CDH19: variants seen among roughly 807,000 people sequenced by gnomAD.
The protein encoded by CDH19 is cadherin 19.
A neutral mutation model predicts 64.2 loss-of-function variants in CDH19; 67 were observed. That is an observed-to-expected ratio of 1.04 (90% CI 0.86 to 1.28). The LOEUF (loss-of-function observed/expected upper bound fraction) is 1.28, where lower values mean the gene tolerates loss of function less well. Among genes scored for constraint, CDH19 ranks in the 50% most tolerant of loss-of-function variants. CDH19 has a pLI of 0.00. For missense variants in CDH19, 1,030 were observed against 929.0 expected (o/e 1.11, Z -1.41); for synonymous variants, 346 against 319.3 (o/e 1.08, Z -0.89).
At chr18:66,509,766 C>T (rs1047566300) in intron 10 of CDH19, among the ~76,000 whole-genome samples, 17 of 151,708 alleles carry the variant, frequency 1.1e-4, no homozygotes, top group African/African-American at 3.9e-4. Context: ...AGGGAATATA[C>T]AAGACTTTCA....
chr18:66,583,537 T>G (rs1440690519), intron 1 of CDH19, among the ~76,000 whole-genome samples: 2 of 152,014 alleles, frequency 1.3e-5, no homozygotes, highest in Non-Finnish European at 2.9e-5. Context: ...GTTCCCTTAT[T>G]TATGTTAATG....
At chr18:66,538,709 A>C (rs1408792157) in intron 7 of CDH19, among the ~76,000 whole-genome samples, 6 of 152,152 alleles carry the variant, frequency 3.9e-5, no homozygotes, top group Non-Finnish European at 8.8e-5. Flanking sequence ...TTAAAATCAA[A>C]GTATCAACAG....
intron 5 of CDH19, among the ~76,000 whole-genome samples, chr18:66,546,828 G>A (rs1261906504): frequency 6.6e-6 from 1 of 151,994 alleles, no homozygotes; most frequent in African/African-American, 2.4e-5. Context: ...CGAGCCTGGA[G>A]TGTTCTGGGA....
chr18:66,598,591 C>A (rs1988962656), intron 1 of CDH19, among the ~76,000 whole-genome samples: 1 of 152,046 alleles, frequency 6.6e-6, no homozygotes, highest in Non-Finnish European at 1.5e-5. Flanking sequence ...AACAGAAAAT[C>A]AAATACTGCA....
At chr18:66,588,625 T>TATATATATATATA (rs1491351987) in intron 1 of CDH19, among the ~76,000 whole-genome samples, 1 of 136,322 alleles carries the variant, frequency 7.3e-6, no homozygotes, top group Non-Finnish European at 1.7e-5. Flanking sequence ...TATATCTATA[T>TATATATATATATA]CTATATATAT....
chr18:66,601,105 G>A (rs185141075), intron 1 of CDH19, among the ~76,000 whole-genome samples: 142 of 151,714 alleles, frequency 9.4e-4, no homozygotes, highest in Non-Finnish European at 1.6e-3. Context: ...TTTTCTCTTT[G>A]CCTTTATTAT....
At chr18:66,509,905 T>C (rs1020466814) in intron 10 of CDH19, among the ~76,000 whole-genome samples, 1 of 151,896 alleles carries the variant, frequency 6.6e-6, no homozygotes. Flanking sequence ...ATTTTGTATT[T>C]AAAATTCTGA....
intron 1 of CDH19, among the ~76,000 whole-genome samples, chr18:66,584,668 A>C (rs1988523840): frequency 6.6e-6 from 1 of 152,122 alleles, no homozygotes; most frequent in Non-Finnish European, 1.5e-5. Flanking sequence ...CTTTAGTGAC[A>C]GACTGGATAA....
intron 1 of CDH19, among the ~76,000 whole-genome samples, chr18:66,590,211 A>G (rs1988703272): frequency 6.6e-6 from 1 of 151,910 alleles, no homozygotes; most frequent in African/African-American, 2.4e-5. Flanking sequence ...AGATGACTTT[A>G]CGGTAAATAT....
At chr18:66,532,486 T>TCACACACACACACACACACA (rs1986486798) in intron 8 of CDH19, 1 of 107,416 alleles carries the variant, frequency 9.3e-6, no homozygotes, top group African/African-American at 8.4e-5. Context: ...CTCAGAGCAT[T>TCACACACACACACACACACA]CATACACACA....
intron 1 of CDH19, among the ~76,000 whole-genome samples, chr18:66,601,660 A>G (rs1989040022): frequency 6.6e-6 from 1 of 151,974 alleles, no homozygotes; most frequent in Non-Finnish European, 1.5e-5. Flanking sequence ...TATGTATTCT[A>G]GAGTATGTTT....
Position 66,555,953 on chromosome 18 carries a change from A to G in CDH19, c.491-1429T>C, listed in dbSNP as rs1263718226. On this transcript the variant is annotated intron_variant, in intron 3 of 11. Transcript: ENST00000262150. The stretch of plus-strand genomic sequence containing the variant: ...CAGATACAATCATCAAAATCATACC[A>G]TTTTCAGAGTTGACTGAAATAAATT... Among the ~76,000 whole-genome samples the G allele has an allele frequency of 3.3e-5, 5 of 151,574 alleles. No homozygotes were observed. The East Asian group carries it at 9.7e-4, about 29-fold the overall frequency.
chr18:66,521,729 AT>A (rs1259137707), intron 9 of CDH19, among the ~76,000 whole-genome samples: 1 of 151,608 alleles, frequency 6.6e-6, no homozygotes, highest in Non-Finnish European at 1.5e-5. Context: ...TAGAGACGGA[AT>A]TTCACAGTGT....
At chr18:66,540,107 C>CT (rs1159227576) in intron 7 of CDH19, among the ~76,000 whole-genome samples, 1 of 152,028 alleles carries the variant, frequency 6.6e-6, no homozygotes, top group African/African-American at 2.4e-5. Flanking sequence ...GCCCCTTGGC[C>CT]TTTCTCGATA....
At chr18:66,562,479 G>C (rs540319669) in intron 3 of CDH19, among the ~76,000 whole-genome samples, 1 of 152,044 alleles carries the variant, frequency 6.6e-6, no homozygotes, top group Non-Finnish European at 1.5e-5. Flanking sequence ...CATGAGGAGC[G>C]GCTGTAAATA....
chr18:66,502,935 T>G lies in CDH19; in HGVS notation c.*1877A>C, dbSNP rs1398511572. 2.0e-5 allele frequency: 3 copies of G among 151,920 alleles called. No individual in the cohort carries two copies. The highest frequency in any genetic ancestry group is 4.4e-5 in the Non-Finnish European group (3 of 67,858). The allele number at this position is 151,920 out of a possible 1,614,324, so 9.4% of individuals were successfully genotyped here. On this transcript the variant is annotated 3_prime_UTR_variant, in exon 12 of 12. Coordinates refer to ENST00000262150, the MANE Select transcript of CDH19 (RefSeq NM_021153.4). ...TGCCTGTTTCAGATTGATGAAAAAC[T>G]TTCTTTATTATGTGATATAGATGTT...
At chr18:66,584,239 A>T (rs907044421) in intron 1 of CDH19, among the ~76,000 whole-genome samples, 2 of 152,096 alleles carry the variant, frequency 1.3e-5, no homozygotes, top group Admixed American at 1.3e-4. Flanking sequence ...CAACAAGCAC[A>T]TGACAAAAAG....
intron 1 of CDH19, among the ~76,000 whole-genome samples, chr18:66,601,958 A>G (rs1989047227): frequency 6.6e-6 from 1 of 151,912 alleles, no homozygotes; most frequent in Admixed American, 6.6e-5. Context: ...GATAGAAAGG[A>G]TTCCTGTGGG....
chr18:66,568,630 A>T lies in CDH19; in HGVS notation c.276T>A (p.Ile92=), dbSNP rs1987996861. Residue 92 remains isoleucine, a synonymous_variant, in exon 3 of 12, where the codon ATT becomes ATA. Transcript: ENST00000262150. ...CATATATGTCACCTGTTCTTTCATC[A>T]ATGATAAAAGTACTTCCAGCTCCAG... ...LGAGAGSTFI[I]DERTGDIYAI... 1 of 1,611,684 alleles carries T rather than the reference A, an allele frequency of 6.2e-7. No individual in the cohort carries two copies. Among genetic ancestry groups the T allele is most frequent in the South Asian group, 1.1e-5 (1 of 91,034 alleles).
Sources: allele counts gnomAD v4.1 joint callset (sites outside exome capture counted in the v4.1 genomes callset), GRCh38; gene constraint gnomAD v4.1.1; transcripts MANE v1.5; gene names NCBI Gene and HGNC (gene_info 2026-07-23, HGNC 2026-07-21).